KCNG2: variants seen among roughly 807,000 people sequenced by gnomAD.
KCNG2 encodes the protein voltage-gated potassium channel regulatory subunit KCNG2.
A neutral mutation model predicts 12.3 loss-of-function variants in KCNG2; 7 were observed. The ratio of observed to expected loss-of-function variants is 0.57; its 90% confidence interval spans 0.32 to 1.07. The LOEUF is 1.07. Among genes scored for constraint, KCNG2 ranks in the 50% least tolerant of loss-of-function variants. The pLI is 0.04. For missense variants in KCNG2, 703 were observed against 726.0 expected (o/e 0.97, Z 0.36); for synonymous variants, 414 against 351.4 (o/e 1.18, Z -1.99).
intron 1 of KCNG2, among the ~76,000 whole-genome samples, chr18:79,842,407 G>A (rs9963276): frequency 0.91 from 137,858 of 152,278 alleles, 64,057 homozygotes; most frequent in East Asian, 1. Context: ...AGAGGTGCTT[G>A]CTTCTTTAAA....
rs530308173 is a variant in KCNG2 at position 79,861,965 on chromosome 18, G to C, written c.-40-1663G>C. Among the ~76,000 whole-genome samples the C allele has an allele frequency of 8.5e-5, 13 of 152,248 alleles. No homozygotes were observed. In the South Asian group the frequency reaches 2.5e-3, roughly 29 times the overall value. On this transcript the variant is annotated intron_variant, in intron 2 of 3. Transcript: ENST00000316249. ...TTCAGCTATTACACTTTCAACACCA[G>C]AATTTCTATCACTTTTTTTTAATAT...
At position 79,878,372 on chromosome 18, in the gene KCNG2, T is replaced by TGGCAGTGTGCGGAGGGCGCCTGATGCCAC. The variant is rs1568267984; in HGVS notation, c.624+14082_624+14083insGCAGTGTGCGGAGGGCGCCTGATGCCACG. On this transcript the variant is annotated intron_variant, in intron 3 of 3. Coordinates refer to ENST00000316249, the MANE Select transcript of KCNG2 (RefSeq NM_012283.2). Reference sequence around the variant, plus strand: ...GTGTGCGGAGGGCGCCTGATGCCCATGTGGCAGTGTGCGGAGGGCGCCTGA... The same window carrying TGGCAGTGTGCGGAGGGCGCCTGATGCCAC: ...GTGTGCGGAGGGCGCCTGATGCCCATGGCAGTGTGCGGAGGGCGCCTGATGCCACGTGGCAGTGTGCGGAGGGCGCCTGA... Among the ~76,000 whole-genome samples the TGGCAGTGTGCGGAGGGCGCCTGATGCCAC allele has an allele frequency of 2.6e-3, 158 of 59,856 alleles. 26 individuals are homozygous for TGGCAGTGTGCGGAGGGCGCCTGATGCCAC. Among genetic ancestry groups the TGGCAGTGTGCGGAGGGCGCCTGATGCCAC allele is most frequent in the Middle Eastern group, 7.9e-3 (1 of 126 alleles). 39.3% of individuals were successfully genotyped at this position (59,856 alleles called of 152,430 possible). A position where few individuals can be genotyped will look rare whatever the true frequency, so the allele number is the denominator to read the frequency against.
intron 1 of KCNG2, among the ~76,000 whole-genome samples, chr18:79,838,172 C>T (rs1379186804): frequency 6.6e-6 from 1 of 152,152 alleles, no homozygotes; most frequent in Non-Finnish European, 1.5e-5. Flanking sequence ...CACCAGGTCC[C>T]TCCCTTGACA....
intron 3 of KCNG2, among the ~76,000 whole-genome samples, chr18:79,895,861 A>G (rs1206535064): frequency 6.6e-6 from 1 of 152,208 alleles, no homozygotes; most frequent in Non-Finnish European, 1.5e-5. Context: ...TTTCTGTTTC[A>G]TGCACCTCAC....
intron 1 of KCNG2, among the ~76,000 whole-genome samples, chr18:79,848,295 C>T (rs1314920599): frequency 6.6e-6 from 1 of 152,228 alleles, no homozygotes; most frequent in African/African-American, 2.4e-5. Context: ...CTTAGAGCTG[C>T]GCAGCCTAAA....
rs1030129237 is a variant in KCNG2, at chr18:79,887,430, C to T, written c.625-11610C>T. On this transcript the variant is annotated intron_variant, in intron 3 of 3. Transcript: ENST00000316249. ...TGAGATGCCCTGTGCTGCTTCCTCT[C>T]AGCAGGTGTTTCAAGGTTCACGGGT... Among the ~76,000 whole-genome samples, 3 of 152,234 alleles carry T rather than the reference C, an allele frequency of 2.0e-5. No individual in the cohort carries two copies. The East Asian group carries it at 5.8e-4, about 29-fold the overall frequency.
chr18:79,820,973 G>T (rs1381114815), intron 1 of KCNG2, among the ~76,000 whole-genome samples: 2 of 152,054 alleles, frequency 1.3e-5, no homozygotes, highest in Non-Finnish European at 2.9e-5. Context: ...AGATTTGGTT[G>T]TTTGTCTTTA....
chr18:79,837,105 C>T (rs1271391878), intron 1 of KCNG2, among the ~76,000 whole-genome samples: 1 of 152,196 alleles, frequency 6.6e-6, no homozygotes, highest in East Asian at 1.9e-4. Flanking sequence ...GAGGAACAGA[C>T]ATCGGGTAAA....
chr18:79,828,817 T>C (rs1383128999), intron 1 of KCNG2, among the ~76,000 whole-genome samples: 4 of 128,104 alleles, frequency 3.1e-5, no homozygotes, highest in Admixed American at 3.1e-4. Context: ...TGTCTATGTG[T>C]GCGTGTGTGT....
At chr18:79,887,685 G>A (rs1157272261) in intron 3 of KCNG2, among the ~76,000 whole-genome samples, 1 of 152,184 alleles carries the variant, frequency 6.6e-6, no homozygotes, top group Non-Finnish European at 1.5e-5. Context: ...GAGCGCCTAG[G>A]CCCCTGAGCT....
intron 2 of KCNG2, among the ~76,000 whole-genome samples, chr18:79,860,268 T>TTTCAACTTGTCAATAGAATG (rs1211533512): frequency 1.1e-4 from 16 of 152,208 alleles, no homozygotes; most frequent in Non-Finnish European, 5.9e-5. Context: ...CCAATAGAAT[T>TTTCAACTTGTCAATAGAATG]TTCAACTTGT....
intron 1 of KCNG2, among the ~76,000 whole-genome samples, chr18:79,804,968 G>T (rs79682532): frequency 1.3e-5 from 2 of 152,086 alleles, no homozygotes; most frequent in East Asian, 3.9e-4. Context: ...ACACACATAC[G>T]GGTGAAGGCT....
At chr18:79,859,974 G>A (rs780704923) in intron 2 of KCNG2, among the ~76,000 whole-genome samples, 2 of 152,138 alleles carry the variant, frequency 1.3e-5, no homozygotes, top group Admixed American at 6.5e-5. Flanking sequence ...GGTTTAATTC[G>A]CTCATGGTTC....
chr18:79,832,169 C>T (rs1978299676), intron 1 of KCNG2, among the ~76,000 whole-genome samples: 1 of 152,144 alleles, frequency 6.6e-6, no homozygotes, highest in African/African-American at 2.4e-5. Flanking sequence ...ACCTCAGCTG[C>T]CCATCCTCAC....
intron 2 of KCNG2, among the ~76,000 whole-genome samples, 187 bp from the exon 3 acceptor site, chr18:79,863,441 T>A (rs1324781580): frequency 6.6e-6 from 1 of 152,212 alleles, no homozygotes; most frequent in Admixed American, 6.5e-5. Flanking sequence ...CGCTGGACGC[T>A]TGAGGGTCCC....
intron 1 of KCNG2, among the ~76,000 whole-genome samples, chr18:79,828,691 G>A (rs373898820): frequency 0.012 from 1,754 of 150,164 alleles, 65 homozygotes; most frequent in East Asian, 0.099. Context: ...GCGTGTGTCC[G>A]TCTACAGGAA....
chr18:79,885,474 G>A (rs1181282689), intron 3 of KCNG2, among the ~76,000 whole-genome samples: 2 of 152,200 alleles, frequency 1.3e-5, no homozygotes. Flanking sequence ...GGTCCAGGTG[G>A]TTTCTGGCTC....
intron 3 of KCNG2, among the ~76,000 whole-genome samples, chr18:79,882,140 A>G (rs1980321122): frequency 6.6e-6 from 1 of 152,250 alleles, no homozygotes; most frequent in South Asian, 2.1e-4. Context: ...AATGGAGAGT[A>G]AGGAAGGAGT....
chr18:79,856,590 G>C (rs908147995), intron 2 of KCNG2, among the ~76,000 whole-genome samples, 138 bp downstream of exon 2: 6 of 152,138 alleles, frequency 3.9e-5, no homozygotes, highest in African/African-American at 1.4e-4. Context: ...GGTGACTGTT[G>C]ACACACACCT....
Sources: allele counts gnomAD v4.1 joint callset (sites outside exome capture counted in the v4.1 genomes callset), GRCh38; gene constraint gnomAD v4.1.1; transcripts MANE v1.5; gene names NCBI Gene and HGNC (gene_info 2026-07-23, HGNC 2026-07-21).